The following DNAH3 variants were observed in gnomAD, a reference collection of about 807,000 sequenced individuals.
DNAH3 encodes dynein axonemal heavy chain 3, also known as axonemal beta dynein heavy chain 3.
DNAH3 carries 332 observed loss-of-function variants against 432.5 expected under a neutral mutation model. That is an observed-to-expected ratio of 0.77 (90% CI 0.70 to 0.84). The LOEUF (loss-of-function observed/expected upper bound fraction) is 0.84. DNAH3 is among the 40% of genes least tolerant of loss of function. DNAH3 has a pLI of 0.00. For missense variants in DNAH3, 4,861 were observed against 5,114.0 expected, an observed-to-expected ratio of 0.95 and a Z score of 1.51; for synonymous variants, 1,956 against 1,900.2, an observed-to-expected ratio of 1.03 and a Z score of -0.76.
At chr16:21,140,441 C>G (rs2092704114) in intron 5 of DNAH3, 95 bp downstream of exon 6, 1 of 1,337,136 alleles carries the variant, frequency 7.5e-7, no homozygotes. Flanking sequence ...CAAACATTTC[C>G]CAGGTGATTC....
At chr16:21,062,932 C>A in intron 24 of DNAH3, 1 of 452,966 alleles carries the variant, frequency 2.2e-6, no homozygotes, top group East Asian at 3.9e-5. Flanking sequence ...AAGCAATCCT[C>A]TCTCCTCAGC....
intron 33 of DNAH3, among the ~76,000 whole-genome samples, chr16:21,038,638 T>C (rs1371427139): frequency 6.6e-6 from 1 of 152,202 alleles, no homozygotes; most frequent in Non-Finnish European, 1.5e-5. Context: ...CTTATGCACT[T>C]TTCTCTCAAG....
intron 32 of DNAH3, 39 bp downstream of exon 32, chr16:21,041,988 T>C: frequency 1.2e-6 from 2 of 1,612,246 alleles, no homozygotes; most frequent in East Asian, 4.5e-5. Context: ...GTTTCTATTC[T>C]AAAAAGCACA....
chr16:21,060,828 C>CTTT lies in DNAH3; in HGVS notation c.3721-475_3721-473dup, dbSNP rs34315223. 5.7e-4 allele frequency among the ~76,000 whole-genome samples: 67 copies of CTTT among 118,236 alleles called. 1 individual carries two copies. The highest frequency in any genetic ancestry group is 4.8e-3 in the East Asian group (19 of 3,962). 77.6% of individuals were successfully genotyped at this position (118,236 alleles called of 152,430 possible). A position where few individuals can be genotyped will look rare whatever the true frequency, so the allele number is the denominator to read the frequency against. On this transcript the variant is annotated intron_variant, in intron 25 of 61. Transcript: ENST00000261383. Reference sequence around the variant, plus strand: ...TGTGAACCACTGCGCCTGGTCTCTTCTTTTTTTTTTTTTTTTTTTTATAGA... The same window carrying CTTT: ...TGTGAACCACTGCGCCTGGTCTCTTCTTTTTTTTTTTTTTTTTTTTTTTATAGA...
In DNAH3 at chr16:21,136,517, C is replaced by G. The variant is rs771678843; in HGVS notation, c.697-4G>C. On this transcript the variant is annotated splice_polypyrimidine_tract_variant and splice_region_variant and intron_variant, in intron 5 of 61. Coordinates refer to ENST00000261383, the Ensembl canonical transcript of DNAH3. The stretch of plus-strand genomic sequence containing the variant: ...TGGTCAGATAGTAATAGTATCTCTT[C>G]CATAAACAAACCACCAGCGAGAAAA... 6.2e-7 allele frequency: 1 copy of G among 1,613,846 alleles called. No homozygotes were observed. Among genetic ancestry groups the G allele is most frequent in the South Asian group, 1.1e-5 (1 of 91,066 alleles).
intron 28 of DNAH3, 104 bp downstream of exon 28, chr16:21,054,316 A>G: frequency 1.2e-6 from 1 of 841,148 alleles, no homozygotes. Flanking sequence ...CTCCCTAATG[A>G]GGAAGGAAAC....
intron 54 of DNAH3, among the ~76,000 whole-genome samples, chr16:20,956,018 C>T (rs1271739005): frequency 6.6e-6 from 1 of 152,014 alleles, no homozygotes; most frequent in Admixed American, 6.6e-5. Flanking sequence ...ACCTCCACCT[C>T]CCAGGTTCAA....
rs1320648298 is a variant in DNAH3, at chr16:21,069,537, G to A, written c.3259C>T (p.Gln1087Ter). ...GGTTCCAGGTACAGCCAGGTGGCTT[G>A]GCATTTCAACCAGGCATCCAAATTG... The change falls in exon 23 of 62, where the codon CAA becomes TAA. Residue 1087 changes from glutamine (Q) to a stop codon, truncating the protein, a stop_gained. Coordinates refer to ENST00000261383, the Ensembl canonical transcript of DNAH3. LOFTEE classifies it high-confidence loss of function. 5 of 1,613,316 alleles carry A rather than the reference G, an allele frequency of 3.1e-6. No homozygotes were observed. The highest frequency in any genetic ancestry group is 4.2e-6 in the Non-Finnish European group (5 of 1,179,868).
intron 1 of DNAH3, among the ~76,000 whole-genome samples, chr16:21,147,253 T>C (rs2092797564): frequency 6.6e-6 from 1 of 151,402 alleles, no homozygotes. Flanking sequence ...AGTCTCTCAC[T>C]CTGTCACCCA....
intron 51 of DNAH3, among the ~76,000 whole-genome samples, chr16:20,975,017 G>A (rs563328742): frequency 2.1e-5 from 3 of 139,748 alleles, no homozygotes; most frequent in African/African-American, 8.1e-5. Context: ...TTAAAGTAGA[G>A]ATGAGGTTTC....
intron 7 of DNAH3, 91 bp downstream of exon 8, chr16:21,134,168 G>T: frequency 7.8e-7 from 1 of 1,279,636 alleles, no homozygotes; most frequent in Non-Finnish European, 1.1e-6. Context: ...ATGCTGTCAG[G>T]GCTACCCCCA....
At chr16:21,059,501 A>G (rs858202) in intron 26 of DNAH3, among the ~76,000 whole-genome samples, 51,080 of 151,998 alleles carry the variant, frequency 0.34, 8,823 homozygotes, top group East Asian at 0.54. Context: ...TCAGCCGGGC[A>G]CAGTGGCTCA....
chr16:21,087,381 T>TTTTTG (rs1027256024), intron 18 of DNAH3, among the ~76,000 whole-genome samples: 2 of 152,196 alleles, frequency 1.3e-5, no homozygotes, highest in Admixed American at 6.5e-5. Context: ...TATCAATAGC[T>TTTTTG]TTTTGTTTTG....
chr16:21,024,499 C>T, intron 39 of DNAH3, 97 bp downstream of exon 39: 1 of 833,610 alleles, frequency 1.2e-6, no homozygotes, highest in East Asian at 2.8e-5. Flanking sequence ...CCCTTGTTGC[C>T]TCCAGGGACT....
intron 56 of DNAH3, among the ~76,000 whole-genome samples, chr16:20,949,564 T>C (rs144663447): frequency 4.3e-4 from 65 of 152,316 alleles, no homozygotes; most frequent in African/African-American, 1.4e-3. Context: ...ATCCGCAGTT[T>C]CAGGCATCCA....
At chr16:21,127,319 G>A (rs968537990) in intron 8 of DNAH3, among the ~76,000 whole-genome samples, 4 of 151,500 alleles carry the variant, frequency 2.6e-5, no homozygotes, top group African/African-American at 4.9e-5. Flanking sequence ...TTGGGAGGCC[G>A]AGGCAGGCAG....
chr16:20,956,451 C>T (rs2084568959), intron 54 of DNAH3, among the ~76,000 whole-genome samples: 3 of 152,154 alleles, frequency 2.0e-5, no homozygotes, highest in Non-Finnish European at 4.4e-5. Context: ...TGTTGCTGTA[C>T]TGTGGAACGT....
At chr16:21,030,944 A>T in intron 37 of DNAH3, 101 bp downstream of exon 37, 1 of 1,223,866 alleles carries the variant, frequency 8.2e-7, no homozygotes, top group Non-Finnish European at 1.2e-6. Flanking sequence ...GAATACATAC[A>T]TAATAAATGT....
intron 15 of DNAH3, 39 bp from the exon 16 acceptor site, chr16:21,104,633 G>C: frequency 7.9e-7 from 1 of 1,259,728 alleles, no homozygotes; most frequent in Non-Finnish European, 1.2e-6. Flanking sequence ...ACACTGTTTA[G>C]CATAGGTCGG....
Sources: gnomAD v4.1 joint callset for allele counts (sites outside exome capture counted in the v4.1 genomes callset) on GRCh38, gnomAD v4.1.1 for gene constraint, MANE v1.5 for transcripts, NCBI Gene and HGNC (gene_info 2026-07-23, HGNC 2026-07-21) for gene names.